Variants in RASSF5 observed in about 807,000 individuals in gnomAD.
RASSF5 encodes the protein Ras association domain family member 5, also known as ras association domain-containing protein 5.
In RASSF5, 25 loss-of-function variants were observed where a neutral mutation model predicts 40.5. The ratio of observed to expected loss-of-function variants is 0.62; its 90% confidence interval spans 0.45 to 0.86. The LOEUF is 0.86. Among genes scored for constraint, RASSF5 ranks in the 40% least tolerant of loss-of-function variants. RASSF5 has a pLI of 0.00. For missense variants in RASSF5, 521 were observed against 572.8 expected (o/e 0.91, Z 0.92); for synonymous variants, 246 against 252.4 (o/e 0.97, Z 0.24).
chr1:206,508,204 G>A (rs1666515828), intron 1 of RASSF5, 145 bp downstream of exon 1: 5 of 594,414 alleles, frequency 8.4e-6, no homozygotes, highest in Non-Finnish European at 1.3e-5. Flanking sequence ...ACAACCCCTG[G>A]GGACAGTCCG....
At chr1:206,557,480 C>G in intron 2 of RASSF5, 2 of 1,572,486 alleles carry the variant, frequency 1.3e-6, no homozygotes, top group East Asian at 4.5e-5. Context: ...TTACGCCAAG[C>G]GGAGCCCGGG....
In RASSF5 at chr1:206,587,088, C is replaced by G; in HGVS notation, c.*110C>G. 7.3e-7 allele frequency: 1 copy of G among 1,374,262 alleles called. No homozygotes were observed. Among genetic ancestry groups the G allele is most frequent in the Non-Finnish European group, 1.0e-6 (1 of 992,432 alleles). The allele number at this position is 1,374,262 out of a possible 1,614,324, so 85.1% of individuals were successfully genotyped here. A position where few individuals can be genotyped will look rare whatever the true frequency, so the allele number is the denominator to read the frequency against. On this transcript the variant is annotated 3_prime_UTR_variant, in exon 6 of 6. Transcript: ENST00000579436. Reference sequence around the variant, plus strand: ...ACATCTCTGGCAGGTGCATTTGTGCCTGCCCAGCAGTTCCAGCTGTGGCAA... The same window carrying G: ...ACATCTCTGGCAGGTGCATTTGTGCGTGCCCAGCAGTTCCAGCTGTGGCAA...
chr1:206,508,191 A>AT (rs1365135451), intron 1 of RASSF5, 132 bp downstream of exon 1: 29 of 665,190 alleles, frequency 4.4e-5, no homozygotes, highest in Non-Finnish European at 6.3e-5. Flanking sequence ...ACATAAGGAG[A>AT]TAACAACCCC....
intron 2 of RASSF5, chr1:206,545,007 A>G (rs2103528539): frequency 6.6e-6 from 1 of 152,388 alleles, no homozygotes; most frequent in South Asian, 2.1e-4. Flanking sequence ...AAATGCGCCT[A>G]AAAGGGCAGG....
chr1:206,570,440 C>T (rs536813083), intron 2 of RASSF5, among the ~76,000 whole-genome samples: 9 of 152,152 alleles, frequency 5.9e-5, no homozygotes, highest in Admixed American at 4.6e-4. Flanking sequence ...TTAAGTATAA[C>T]CTCACATTGT....
chr1:206,565,274 A>G (rs898454568), intron 2 of RASSF5, among the ~76,000 whole-genome samples: 3 of 152,116 alleles, frequency 2.0e-5, no homozygotes, highest in Admixed American at 1.3e-4. Context: ...TCTCACTGAG[A>G]TGCCCCAGTA....
chr1:206,572,956 A>G (rs1347154937), intron 2 of RASSF5, among the ~76,000 whole-genome samples: 1 of 152,310 alleles, frequency 6.6e-6, no homozygotes, highest in South Asian at 2.1e-4. Flanking sequence ...GCTTTGGTCA[A>G]ATGACTACTG....
intron 1 of RASSF5, among the ~76,000 whole-genome samples, chr1:206,534,309 A>G (rs1473986004): frequency 6.6e-6 from 1 of 152,138 alleles, no homozygotes; most frequent in African/African-American, 2.4e-5. Flanking sequence ...ACTTCCCTCA[A>G]AGCATCCCCT....
At chr1:206,517,037 T>C (rs1553395523) in intron 1 of RASSF5, among the ~76,000 whole-genome samples, 3 of 152,142 alleles carry the variant, frequency 2.0e-5, no homozygotes, top group African/African-American at 7.2e-5. Flanking sequence ...GCAGCTCCCT[T>C]CTCCCTGAGG....
At position 206,589,190 on chromosome 1, in the gene RASSF5, G is replaced by GTT. The variant is rs1553408494; in HGVS notation, c.*2213_*2214insTT. The GTT allele has an allele frequency of 5.9e-5, 9 of 152,696 alleles. No homozygotes were observed. The highest frequency in any genetic ancestry group is 1.2e-4 in the Non-Finnish European group (8 of 68,020). The allele number at this position is 152,696 out of a possible 1,614,324, so 9.5% of individuals were successfully genotyped here. On this transcript the variant is annotated 3_prime_UTR_variant, in exon 6 of 6. Coordinates refer to ENST00000579436, the MANE Select transcript of RASSF5 (RefSeq NM_182663.4). Reference sequence around the variant, plus strand: ...TTTGGTTGTGTTGCTCAGTGTGTAAGTGTTTGTTTCCAGGATATTTTCTTT... The same window carrying GTT: ...TTTGGTTGTGTTGCTCAGTGTGTAAGTTTGTTTGTTTCCAGGATATTTTCTTT...
At chr1:206,522,610 G>T (rs1553396306) in intron 1 of RASSF5, among the ~76,000 whole-genome samples, 1 of 152,100 alleles carries the variant, frequency 6.6e-6, no homozygotes, top group African/African-American at 2.4e-5. Context: ...CTTGGCCAAG[G>T]GGGGATTCTC....
chr1:206,543,579 G>C (rs1374613351), intron 2 of RASSF5: 1 of 152,132 alleles, frequency 6.6e-6, no homozygotes, highest in African/African-American at 2.4e-5. Flanking sequence ...GTGTGTGTGT[G>C]TGTGTGTGTG....
intron 1 of RASSF5, among the ~76,000 whole-genome samples, chr1:206,509,469 C>G (rs1572284255): frequency 6.6e-6 from 1 of 152,234 alleles, no homozygotes; most frequent in African/African-American, 2.4e-5. Flanking sequence ...GGGCTGCTGT[C>G]CCTTGGTAAA....
intron 2 of RASSF5, among the ~76,000 whole-genome samples, chr1:206,549,980 C>G (rs1553400846): frequency 6.6e-6 from 1 of 152,216 alleles, no homozygotes; most frequent in East Asian, 1.9e-4. Flanking sequence ...AGTTCTCTCT[C>G]TCTGCAGCTG....
Position 206,557,791 on chromosome 1 carries a change from C to T in RASSF5, c.579+19498C>T, listed in dbSNP as rs149369928. On this transcript the variant is annotated intron_variant, in intron 2 of 5. Transcript: ENST00000579436. ...CCTTGCTCCCAGCAAAGGGACAAAG[C>T]CACATGTCAGGAAAGTGGCCAGGCA... is the stretch of plus-strand genomic sequence containing the variant. 7,569 of 1,382,250 alleles carry T rather than the reference C, an allele frequency of 5.5e-3. 51 individuals carry two copies. Among genetic ancestry groups the T allele is most frequent in the South Asian group, 0.015 (1,179 of 80,224 alleles). The allele number at this position is 1,382,250 out of a possible 1,614,324, so 85.6% of individuals were successfully genotyped here.
At chr1:206,523,949 T>C (rs1461628182) in intron 1 of RASSF5, among the ~76,000 whole-genome samples, 1 of 116,314 alleles carries the variant, frequency 8.6e-6, no homozygotes, top group Non-Finnish European at 1.6e-5. Flanking sequence ...ATTTTATATA[T>C]AATATATATA....
chr1:206,529,341 T>A lies in RASSF5; in HGVS notation c.458-8831T>A, dbSNP rs575013373. On this transcript the variant is annotated intron_variant, in intron 1 of 5. Coordinates refer to ENST00000579436, the MANE Select transcript of RASSF5 (RefSeq NM_182663.4). ...AGCAGGAGTTAACACCATCACCACT[T>A]TGGTGGAGAATAAGAAAGCTCAGCT... 15 of 767,038 alleles carry A rather than the reference T, an allele frequency of 2.0e-5. No individual in the cohort carries two copies. In the East Asian group the frequency reaches 3.5e-4, roughly 18 times the overall value. The allele number at this position is 767,038 out of a possible 1,614,324, so 47.5% of individuals were successfully genotyped here.
In RASSF5 at chr1:206,584,301, T is replaced by C; in HGVS notation, c.691-86T>C. On this transcript the variant is annotated intron_variant, in intron 3 of 5. Coordinates refer to ENST00000579436, the MANE Select transcript of RASSF5 (RefSeq NM_182663.4). This position sits in a 1 kb window ranked among gnomAD's most constrained non-coding sequence, Gnocchi z 4.9. ...GAAAGAACTCAAGGAGACAGGTGGG[T>C]GCTGCTGGGGCAATGGCCCCGAGTG... 7.5e-7 allele frequency: 1 copy of C among 1,328,980 alleles called. No homozygotes were observed. The highest frequency in any genetic ancestry group is 1.0e-6 in the Non-Finnish European group (1 of 969,472). The allele number at this position is 1,328,980 out of a possible 1,614,324, so 82.3% of individuals were successfully genotyped here.
At chr1:206,521,808 C>G (rs930066086) in intron 1 of RASSF5, among the ~76,000 whole-genome samples, 21 of 152,160 alleles carry the variant, frequency 1.4e-4, no homozygotes, top group African/African-American at 5.1e-4. Context: ...TCTCAGGGGC[C>G]CAGGGATGGG....
Sources: gnomAD v4.1 joint callset for allele counts (sites outside exome capture counted in the v4.1 genomes callset) on GRCh38, gnomAD v4.1.1 for gene constraint, Gnocchi (gnomAD v3.1) non-coding constraint, MANE v1.5 for transcripts, NCBI Gene and HGNC (gene_info 2026-07-23, HGNC 2026-07-21) for gene names.